The following SIPA1L2 variants were observed in gnomAD, a reference collection of about 807,000 sequenced individuals.
SIPA1L2 encodes the protein signal-induced proliferation-associated 1-like protein 2.
SIPA1L2 carries 56 observed loss-of-function variants against 163.9 expected under a neutral mutation model. The ratio of observed to expected loss-of-function variants is 0.34; its 90% confidence interval spans 0.28 to 0.43. The LOEUF (loss-of-function observed/expected upper bound fraction) is 0.43. SIPA1L2 is among the 20% of genes least tolerant of loss of function. The pLI is 1.00. For missense variants in SIPA1L2, 1,974 were observed against 2,193.5 expected (o/e 0.90, Z 2.00); for synonymous variants, 877 against 865.7 (o/e 1.01, Z -0.23).
chr1:232,511,364 T>C (rs1032405771), intron 3 of SIPA1L2, among the ~76,000 whole-genome samples: 7 of 152,220 alleles, frequency 4.6e-5, no homozygotes, highest in Non-Finnish European at 8.8e-5. Context: ...GTCATCAGTA[T>C]GAGGACAGAG....
intron 2 of SIPA1L2, among the ~76,000 whole-genome samples, chr1:232,572,706 T>TACACAC (rs1558277255): frequency 5.2e-5 from 4 of 77,478 alleles, no homozygotes; most frequent in African/African-American, 1.6e-4. Flanking sequence ...TATATATATA[T>TACACAC]ATATATATAT....
rs1194496549 is a variant in SIPA1L2 at position 232,398,961 on chromosome 1, G to A, written c.*166C>T. ...GGCGCTGCTCTCTGCCGTGGTTACC[G>A]AGAAAGAGTCGAGGCTCCCTATCCT... On this transcript the variant is annotated 3_prime_UTR_variant, in exon 23 of 23. Transcript: ENST00000674635. 9 of 882,036 alleles carry A rather than the reference G, an allele frequency of 1.0e-5. No homozygotes were observed. The highest frequency in any genetic ancestry group is 5.1e-5 in the African/African-American group (3 of 59,104). 54.6% of individuals were successfully genotyped at this position (882,036 alleles called of 1,614,324 possible). A position where few individuals can be genotyped will look rare whatever the true frequency, so the allele number is the denominator to read the frequency against.
intron 3 of SIPA1L2, among the ~76,000 whole-genome samples, chr1:232,496,873 C>T (rs1666221646): frequency 6.6e-6 from 1 of 152,128 alleles, no homozygotes; most frequent in Non-Finnish European, 1.5e-5. Context: ...AAGACAAAAG[C>T]TTCCTTCTTA....
chr1:232,424,586 CCTTTCACA>C (rs1222543378), intron 18 of SIPA1L2, among the ~76,000 whole-genome samples: 22 of 152,094 alleles, frequency 1.4e-4, no homozygotes, highest in Non-Finnish European at 2.8e-4. Context: ...GTCTGGCTGA[CCTTTCACA>C]TGGTTGTCAA....
chr1:232,426,353 A>G (rs1025918807), intron 17 of SIPA1L2, among the ~76,000 whole-genome samples: 4 of 152,222 alleles, frequency 2.6e-5, no homozygotes, highest in African/African-American at 4.8e-5. Flanking sequence ...ATAAAGTCTT[A>G]CTGTCCACTT....
intron 2 of SIPA1L2, among the ~76,000 whole-genome samples, chr1:232,541,957 G>GTA (rs1657712159): frequency 6.1e-5 from 6 of 98,756 alleles, no homozygotes; most frequent in African/African-American, 2.3e-4. Context: ...CTCTCTCTCT[G>GTA]TATAGTTTTA....
intron 20 of SIPA1L2, 146 bp from the exon 21 acceptor site, chr1:232,403,717 C>T: frequency 4.6e-6 from 5 of 1,089,434 alleles, no homozygotes; most frequent in Non-Finnish European, 6.4e-6. Flanking sequence ...CAAAGAAAAA[C>T]AAATTCAGGC....
Position 232,404,152 on chromosome 1 carries a change from G to A in SIPA1L2, c.4789C>T (p.Leu1597=). Residue 1597 remains leucine (L), a synonymous_variant, in exon 20 of 23, where the codon CTG becomes TTG. Transcript: ENST00000674635. ...EGLDSDEELG[L]LCHHTSYLDQ... is the part of the protein sequence containing the mutation. ...AGATAGGACGTGTGGTGACAGAGCA[G>A]CCCCAGTTCTTCATCTGAGTCAAGA... The A allele has an allele frequency of 1.2e-6, 2 of 1,614,074 alleles. No homozygotes were observed. Among genetic ancestry groups the A allele is most frequent in the Non-Finnish European group, 8.5e-7 (1 of 1,180,004 alleles).
intron 3 of SIPA1L2, among the ~76,000 whole-genome samples, chr1:232,502,856 A>T (rs1302698931): frequency 6.6e-6 from 1 of 152,260 alleles, no homozygotes; most frequent in African/African-American, 2.4e-5. Context: ...TAGCTTTTAT[A>T]AAGGGCATCT....
intron 7 of SIPA1L2, among the ~76,000 whole-genome samples, chr1:232,476,980 C>G (rs1345412596): frequency 1.3e-5 from 2 of 152,152 alleles, no homozygotes; most frequent in African/African-American, 4.8e-5. Context: ...CTGGTCATTT[C>G]AGACATTTCT....
intron 19 of SIPA1L2, among the ~76,000 whole-genome samples, chr1:232,408,378 T>C (rs1389220196): frequency 6.6e-6 from 1 of 152,124 alleles, no homozygotes; most frequent in Non-Finnish European, 1.5e-5. Context: ...TATTGGAAGC[T>C]TTTTAATTCT....
At chr1:232,486,979 TG>T (rs1171514372) in intron 5 of SIPA1L2, among the ~76,000 whole-genome samples, 2 of 152,246 alleles carry the variant, frequency 1.3e-5, no homozygotes, top group African/African-American at 4.8e-5. Context: ...TTAAGTCTAT[TG>T]CAGCAACCTT....
In SIPA1L2 at chr1:232,415,474, A is replaced by T; in HGVS notation, c.4762+20T>A. The T allele has an allele frequency of 6.3e-7, 1 of 1,597,424 alleles. No individual in the cohort carries two copies. The highest frequency in any genetic ancestry group is 1.1e-5 in the South Asian group (1 of 88,420). On this transcript the variant is annotated intron_variant, in intron 19 of 22. Transcript: ENST00000674635. Reference sequence around the variant, plus strand: ...CACTCCCAGGGTAAGGGGTGAGGCCAGAGGCTGGTGAGTCTTTACCTTCAA... The same window carrying T: ...CACTCCCAGGGTAAGGGGTGAGGCCTGAGGCTGGTGAGTCTTTACCTTCAA...
At chr1:232,409,219 C>T (rs1181908963) in intron 19 of SIPA1L2, among the ~76,000 whole-genome samples, 1 of 152,186 alleles carries the variant, frequency 6.6e-6, no homozygotes, top group Non-Finnish European at 1.5e-5. Flanking sequence ...ATTAACTCTA[C>T]AAGTTAATTC....
At chr1:232,503,768 C>T (rs1666592534) in intron 3 of SIPA1L2, among the ~76,000 whole-genome samples, 1 of 152,260 alleles carries the variant, frequency 6.6e-6, no homozygotes. Context: ...GTTAAATGCT[C>T]TTTCAATTCC....
chr1:232,455,857 C>A (rs1050340915), intron 10 of SIPA1L2, among the ~76,000 whole-genome samples: 5 of 151,966 alleles, frequency 3.3e-5, no homozygotes, highest in Non-Finnish European at 7.4e-5. Flanking sequence ...CAACAGAAAA[C>A]CAAATGCTGT....
upstream of SIPA1L2, among the ~76,000 whole-genome samples, chr1:232,630,286 C>G (rs1207041759): frequency 6.6e-6 from 1 of 151,830 alleles, no homozygotes; most frequent in Non-Finnish European, 1.5e-5. Context: ...CGCCCGGCTC[C>G]GGGCGCAGCC....
chr1:232,465,876 C>T lies in SIPA1L2; in HGVS notation c.2244-460G>A, dbSNP rs1572940534. On this transcript the variant is annotated intron_variant, in intron 8 of 22. Coordinates refer to ENST00000674635, the MANE Select transcript of SIPA1L2 (RefSeq NM_020808.5). This position sits in a 1 kb window ranked among gnomAD's most constrained non-coding sequence, Gnocchi z 4.1. ...CAAAGAGACACCAGGGATGTATGCA[C>T]ACAGAAAGAAGACCATGTGAAGACA... Among the ~76,000 whole-genome samples the T allele has an allele frequency of 6.6e-6, 1 of 151,722 alleles. No individual in the cohort carries two copies. Among genetic ancestry groups the T allele is most frequent in the South Asian group, 2.1e-4 (1 of 4,794 alleles).
Position 232,490,868 on chromosome 1 carries a change from A to C in SIPA1L2, c.1806+6T>G. The C allele has an allele frequency of 6.2e-7, 1 of 1,611,746 alleles. No homozygotes were observed. Among genetic ancestry groups the C allele is most frequent in the Non-Finnish European group, 8.5e-7 (1 of 1,178,952 alleles). Reference sequence around the variant, plus strand: ...ACACAAACATACAATCTCACATTATACACACCCCTTGTTCATCAAGCTTGA... The same window carrying C: ...ACACAAACATACAATCTCACATTATCCACACCCCTTGTTCATCAAGCTTGA... On this transcript the variant is annotated splice_donor_region_variant and intron_variant, in intron 5 of 22. Coordinates refer to ENST00000674635, the MANE Select transcript of SIPA1L2 (RefSeq NM_020808.5).
Sources: gnomAD v4.1 joint callset for allele counts (sites outside exome capture counted in the v4.1 genomes callset) on GRCh38, gnomAD v4.1.1 for gene constraint, Gnocchi (gnomAD v3.1) non-coding constraint, MANE v1.5 for transcripts, NCBI Gene and HGNC (gene_info 2026-07-23, HGNC 2026-07-21) for gene names.